Variants in LPIN3 observed in about 807,000 individuals in gnomAD.
LPIN3 encodes the protein phosphatidate phosphatase LPIN3.
A neutral mutation model predicts 94.7 loss-of-function variants in LPIN3; 82 were observed. The observed-to-expected ratio is 0.87, with a 90% confidence interval of 0.72 to 1.04. The LOEUF (loss-of-function observed/expected upper bound fraction) is 1.04. Among genes scored for constraint, LPIN3 ranks in the 50% least tolerant of loss-of-function variants. The pLI, the probability that LPIN3 is intolerant of heterozygous loss-of-function variation, is 0.00. For synonymous variants in LPIN3, 418 were observed against 443.3 expected, an observed-to-expected ratio of 0.94 and a Z score of 0.72; for missense variants, 996 against 1,090.5, an observed-to-expected ratio of 0.91 and a Z score of 1.22.
chr20:41,353,606 C>T (rs904429337), intron 11 of LPIN3, among the ~76,000 whole-genome samples: 1 of 152,158 alleles, frequency 6.6e-6, no homozygotes, highest in Non-Finnish European at 1.5e-5. Flanking sequence ...TGAGGGTATG[C>T]CTAGCCTCTT....
chr20:41,358,764 T>A lies in LPIN3; in HGVS notation c.2454T>A (p.Pro818=). The A allele has an allele frequency of 1.2e-6, 2 of 1,613,062 alleles. No individual in the cohort carries two copies. The highest frequency in any genetic ancestry group is 1.1e-5 in the South Asian group (1 of 90,756). ...LGEVVELLFP[P]VARGPSTDLA... Reference sequence around the variant, plus strand: ...AAGTGGTCGAGCTCCTCTTCCCACCTGTGGCCCGTGGCCCCAGCACAGACC... The same window carrying A: ...AAGTGGTCGAGCTCCTCTTCCCACCAGTGGCCCGTGGCCCCAGCACAGACC... The change falls in exon 20 of 20, where the codon CCT becomes CCA. Residue 818 remains proline (P), a synonymous_variant. Coordinates refer to ENST00000373257, the MANE Select transcript of LPIN3 (RefSeq NM_022896.3).
At chr20:41,347,035 C>T (rs1186655780) in intron 2 of LPIN3, among the ~76,000 whole-genome samples, 1 of 152,204 alleles carries the variant, frequency 6.6e-6, no homozygotes, top group African/African-American at 2.4e-5. Context: ...GCCTCAGTTT[C>T]CTCATCTGTA....
At chr20:41,341,148 G>A (rs1209264189) in intron 1 of LPIN3, 146 bp downstream of exon 1, 1 of 152,594 alleles carries the variant, frequency 6.6e-6, no homozygotes, top group Non-Finnish European at 1.5e-5. Context: ...TGGAGGGACT[G>A]GCCTCATTTT....
chr20:41,349,758 A>C lies in LPIN3; in HGVS notation c.639-16A>C. The C allele has an allele frequency of 6.2e-7, 1 of 1,607,936 alleles. No homozygotes were observed. The highest frequency in any genetic ancestry group is 8.5e-7 in the Non-Finnish European group (1 of 1,177,628). The stretch of plus-strand genomic sequence containing the variant: ...TGGGTAGGCAGGCTCAAGGCCTCTC[A>C]ATATGTCTCCTGCAGCCTCTCAGCA... On this transcript the variant is annotated splice_polypyrimidine_tract_variant and intron_variant, in intron 5 of 19. Transcript: ENST00000373257.
intron 2 of LPIN3, among the ~76,000 whole-genome samples, chr20:41,346,333 G>C (rs2146928261): frequency 6.6e-6 from 1 of 152,348 alleles, no homozygotes. Flanking sequence ...TGCACAAATG[G>C]ATATGATTTT....
Position 41,358,286 on chromosome 20 carries a change from G to A in LPIN3, c.2242G>A (p.Asp748Asn), listed in dbSNP as rs1162276612. The change falls in exon 18 of 20, where the codon GAC (aspartate) becomes AAC (asparagine). Residue 748 changes from aspartate to asparagine, a missense_variant. Transcript: ENST00000373257. ...PEVFKVACLS[D>N]IQQLFLPHGQ... ...GGTGTTCAAGGTCGCCTGCCTGAGT[G>A]ACATCCAGCAGCTGTTTCTGCCCCA... The A allele has an allele frequency of 1.2e-6, 2 of 1,614,010 alleles. No individual in the cohort carries two copies. The highest frequency in any genetic ancestry group is 3.3e-5 in the Admixed American group (2 of 60,006).
At chr20:41,347,530 TG>T in intron 2 of LPIN3, 21 bp from the exon 3 acceptor site, 1 of 1,612,336 alleles carries the variant, frequency 6.2e-7, no homozygotes, top group Non-Finnish European at 8.5e-7. Flanking sequence ...CCCATGTCCC[TG>T]CCACCGCTTT....
chr20:41,352,502 C>T, intron 9 of LPIN3, 104 bp from the exon 10 acceptor site: 1 of 1,071,032 alleles, frequency 9.3e-7, no homozygotes, highest in African/African-American at 1.6e-5. Context: ...GTTACAAAGC[C>T]AACCGACAGG....
At chr20:41,358,088 C>A (rs1600745066) in intron 17 of LPIN3, 54 bp downstream of exon 17, 1 of 1,572,134 alleles carries the variant, frequency 6.4e-7, no homozygotes, top group East Asian at 2.2e-5. Flanking sequence ...AAAGGCAGGC[C>A]CACTGCCAGG....
chr20:41,349,280 T>A, intron 5 of LPIN3, 108 bp downstream of exon 5: 2 of 893,888 alleles, frequency 2.2e-6, no homozygotes, highest in Non-Finnish European at 3.4e-6. Flanking sequence ...ATGTGTTTAC[T>A]AGCCATTCGT....
chr20:41,350,075 C>A lies in LPIN3; in HGVS notation c.780C>A (p.Pro260=). 1 of 1,603,008 alleles carries A rather than the reference C, an allele frequency of 6.2e-7. No homozygotes were observed. The highest frequency in any genetic ancestry group is 2.2e-5 in the East Asian group (1 of 44,532). Residue 260 remains proline (P), a synonymous_variant, in exon 7 of 20, where the codon CCC becomes CCA. Coordinates refer to ENST00000373257, the MANE Select transcript of LPIN3 (RefSeq NM_022896.3). ...TAAAGGTGGCCAGAGCTGAGCGGCC[C>A]GAGTCCTCAGTGGTCCTTGAAGGCA... ...RLPKVARAER[P]ESSVVLEGRA...
At chr20:41,341,742 G>A (rs570506717) in intron 1 of LPIN3, among the ~76,000 whole-genome samples, 1 of 152,354 alleles carries the variant, frequency 6.6e-6, no homozygotes, top group East Asian at 1.9e-4. Flanking sequence ...CAGCACTTTG[G>A]AGACTGAGGC....
rs1010032794 is a variant in LPIN3, at chr20:41,359,195, A to G, written c.*329A>G. The G allele has an allele frequency of 3.2e-5, 5 of 158,380 alleles. No homozygotes were observed. Among genetic ancestry groups the G allele is most frequent in the Non-Finnish European group, 6.1e-5 (5 of 82,164 alleles). The allele number at this position is 158,380 out of a possible 1,614,324, so 9.8% of individuals were successfully genotyped here. Reference sequence around the variant, plus strand: ...GTTGCCCAGGCTGGAGTGCAGTGGCATGATCTCTCGGCTCACTGCAACCTC... The same window carrying G: ...GTTGCCCAGGCTGGAGTGCAGTGGCGTGATCTCTCGGCTCACTGCAACCTC... On this transcript the variant is annotated 3_prime_UTR_variant, in exon 20 of 20. Transcript: ENST00000373257.
At position 41,358,479 on chromosome 20, in the gene LPIN3, G is replaced by A. The variant is rs751013423; in HGVS notation, c.2348G>A (p.Arg783His). Residue 783 changes from arginine (R) to histidine (H), a missense_variant, in exon 19 of 20, where the codon CGC becomes CAC. Coordinates refer to ENST00000373257, the MANE Select transcript of LPIN3 (RefSeq NM_022896.3). ...AYRQVGLPES[R>H]IFTVNPRGEL... Reference sequence around the variant, plus strand: ...CGGCAGGTGGGCCTGCCTGAGTCACGCATCTTCACAGTCAACCCCCGGGGA... The same window carrying A: ...CGGCAGGTGGGCCTGCCTGAGTCACACATCTTCACAGTCAACCCCCGGGGA... 5.3e-5 allele frequency: 85 copies of A among 1,613,952 alleles called. No individual in the cohort carries two copies. Among genetic ancestry groups the A allele is most frequent in the African/African-American group, 1.6e-4 (12 of 74,904 alleles).
rs1217837636 is a variant in LPIN3, at chr20:41,345,993, GT to G, written c.191del (p.Val64GlyfsTer2). 3.7e-6 allele frequency: 6 copies of G among 1,612,780 alleles called. No individual in the cohort carries two copies. Among genetic ancestry groups the G allele is most frequent in the Admixed American group, 3.3e-5 (2 of 59,968 alleles). ...KLGVLRSREKVVDIELNGEPV... is the reference protein window; with the variant it reads ...KLGVLRSREKXVDIELNGEPV... ...GGGCGTCCTGCGGTCGCGGGAGAAG[GT>G]GGTGAGTGCTCAGGCTGGCTGAGGT... On this transcript the variant is annotated frameshift_variant and splice_region_variant, in exon 2 of 20. Transcript: ENST00000373257. LOFTEE classifies it high-confidence loss of function.
In LPIN3 at chr20:41,352,820, G is replaced by A; in HGVS notation, c.1480G>A (p.Ala494Thr). The change falls in exon 11 of 20, where the codon GCC becomes ACC. Residue 494 changes from alanine to threonine, a missense_variant. Coordinates refer to ENST00000373257, the MANE Select transcript of LPIN3 (RefSeq NM_022896.3). ...TAGGCATTATAACTGGGCTGTGGCT[G>A]CCCCCATGATCCTCTCCCTGCAAGC... ...NGKHYNWAVA[A>T]PMILSLQAFQ... 1 of 1,614,208 alleles carries A rather than the reference G, an allele frequency of 6.2e-7. No homozygotes were observed. Among genetic ancestry groups the A allele is most frequent in the South Asian group, 1.1e-5 (1 of 91,080 alleles).
chr20:41,359,119 G>A lies in LPIN3; in HGVS notation c.*253G>A. The stretch of plus-strand genomic sequence containing the variant: ...TAGCTTGTCATCTGGGCCCTTGCAG[G>A]GTTCTTTTTTTTTTTTTTTTTTTTT... On this transcript the variant is annotated 3_prime_UTR_variant, in exon 20 of 20. Coordinates refer to ENST00000373257, the MANE Select transcript of LPIN3 (RefSeq NM_022896.3). The A allele has an allele frequency of 3.4e-6, 1 of 293,660 alleles. No individual in the cohort carries two copies. The highest frequency in any genetic ancestry group is 6.1e-6 in the Non-Finnish European group (1 of 162,830). The allele number at this position is 293,660 out of a possible 1,614,324, so 18.2% of individuals were successfully genotyped here.
intron 6 of LPIN3, 69 bp from the exon 7 acceptor site, chr20:41,349,986 T>G (rs2045944373): frequency 6.4e-7 from 1 of 1,559,222 alleles, no homozygotes; most frequent in Non-Finnish European, 8.7e-7. Context: ...CTCGGGCCAC[T>G]GCCCCAAAAG....
intron 5 of LPIN3, 120 bp from the exon 6 acceptor site, chr20:41,349,654 A>G: frequency 8.2e-7 from 1 of 1,214,720 alleles, no homozygotes; most frequent in Non-Finnish European, 1.1e-6. Context: ...CATATTCCTT[A>G]TATATTATGG....
Sources: gnomAD v4.1 joint callset for allele counts (sites outside exome capture counted in the v4.1 genomes callset) on GRCh38, gnomAD v4.1.1 for gene constraint, MANE v1.5 for transcripts, NCBI Gene and HGNC (gene_info 2026-07-23, HGNC 2026-07-21) for gene names.